The following ABTB3 variants were observed in gnomAD, a reference collection of about 807,000 sequenced individuals.
ABTB3 encodes ankyrin repeat- and BTB/POZ domain-containing protein 3.
chr12:107,456,805 T>C, the ABTB3 span, among the ~76,000 whole-genome samples: 1 of 151,902 alleles, frequency 6.6e-6, no homozygotes. Flanking sequence ...GATTTGAACT[T>C]GAACAGTTTG....
chr12:107,440,474 C>T, the ABTB3 span, among the ~76,000 whole-genome samples: 1 of 152,228 alleles, frequency 6.6e-6, no homozygotes, highest in Non-Finnish European at 1.5e-5. Flanking sequence ...CCTTTCTTAC[C>T]CTGCCTCTTT....
the ABTB3 span, among the ~76,000 whole-genome samples, chr12:107,414,716 C>CTTTT: frequency 9.0e-5 from 13 of 144,774 alleles, 1 homozygote; most frequent in Admixed American, 1.4e-4. Flanking sequence ...CTTTTCTTTT[C>CTTTT]TTTTTCTTTT....
chr12:107,355,790 G>A, the ABTB3 span, among the ~76,000 whole-genome samples: 1 of 152,182 alleles, frequency 6.6e-6, no homozygotes, highest in African/African-American at 2.4e-5. Flanking sequence ...CTACACTGCT[G>A]TTGAGTATCA....
At chr12:107,622,810 TG>T in the ABTB3 span, among the ~76,000 whole-genome samples, 2 of 152,190 alleles carry the variant, frequency 1.3e-5, no homozygotes, top group African/African-American at 2.4e-5. Context: ...AATAGATTCT[TG>T]CAAATAAATC....
At chr12:107,376,745 A>G in the ABTB3 span, among the ~76,000 whole-genome samples, 3 of 151,954 alleles carry the variant, frequency 2.0e-5, no homozygotes, top group African/African-American at 7.3e-5. Flanking sequence ...GAGTTATGTA[A>G]TAATGATCAG....
the ABTB3 span, among the ~76,000 whole-genome samples, chr12:107,570,335 CT>C: frequency 6.6e-6 from 1 of 152,178 alleles, no homozygotes; most frequent in East Asian, 1.9e-4. Context: ...GTGCCTCAGC[CT>C]CCCGAGTACC....
chr12:107,352,496 G>A, the ABTB3 span, among the ~76,000 whole-genome samples: 2 of 152,030 alleles, frequency 1.3e-5, no homozygotes, highest in South Asian at 4.2e-4. Flanking sequence ...CAGTGGGCAG[G>A]CATCAAAGGG....
At chr12:107,367,298 C>T in the ABTB3 span, among the ~76,000 whole-genome samples, 1 of 152,138 alleles carries the variant, frequency 6.6e-6, no homozygotes, top group Non-Finnish European at 1.5e-5. Context: ...AAAGGAAACT[C>T]TGTGCTTGAC....
chr12:107,382,624 G>A, the ABTB3 span, among the ~76,000 whole-genome samples: 4 of 152,252 alleles, frequency 2.6e-5, no homozygotes, highest in South Asian at 2.1e-4. Flanking sequence ...CACGGATGAA[G>A]CTGGAAACCA....
chr12:107,339,257 C>A, the ABTB3 span, among the ~76,000 whole-genome samples: 1 of 152,156 alleles, frequency 6.6e-6, no homozygotes, highest in Non-Finnish European at 1.5e-5. Flanking sequence ...AAGGAAAACA[C>A]AAGTGCAGAG....
chr12:107,491,747 T>C, the ABTB3 span, among the ~76,000 whole-genome samples: 2 of 148,046 alleles, frequency 1.4e-5, no homozygotes, highest in Non-Finnish European at 3.0e-5. Context: ...TGATTGAACT[T>C]GGTAGGCAGA....
chr12:107,595,947 A>G, the ABTB3 span, among the ~76,000 whole-genome samples: 1 of 152,028 alleles, frequency 6.6e-6, no homozygotes. Flanking sequence ...GTGTATATAT[A>G]CGTATATTCA....
the ABTB3 span, chr12:107,658,092 C>T: frequency 4.8e-5 from 10 of 208,112 alleles, no homozygotes; most frequent in African/African-American, 2.3e-4. Context: ...GATTGTATTA[C>T]ACATTAAGGA....
chr12:107,615,268 G>GC, the ABTB3 span: 2 of 813,692 alleles, frequency 2.5e-6, no homozygotes, highest in Non-Finnish European at 4.0e-6. Context: ...ATTCATATTG[G>GC]TTAACTGCAA....
At chr12:107,519,153 T>C in the ABTB3 span, among the ~76,000 whole-genome samples, 1 of 152,166 alleles carries the variant, frequency 6.6e-6, no homozygotes, top group Non-Finnish European at 1.5e-5. Context: ...AATAAGCATA[T>C]GTCTTTATGG....
the ABTB3 span, among the ~76,000 whole-genome samples, chr12:107,547,327 A>G: frequency 6.6e-6 from 1 of 152,178 alleles, no homozygotes; most frequent in Non-Finnish European, 1.5e-5. Flanking sequence ...TGAAACTTCT[A>G]AAATGGAAGT....
At chr12:107,430,736 T>C in the ABTB3 span, among the ~76,000 whole-genome samples, 2 of 152,248 alleles carry the variant, frequency 1.3e-5, no homozygotes, top group African/African-American at 2.4e-5. Flanking sequence ...TGTTGATTAT[T>C]AGAGAGATGT....
At chr12:107,469,004 A>G in the ABTB3 span, among the ~76,000 whole-genome samples, 2 of 152,128 alleles carry the variant, frequency 1.3e-5, no homozygotes, top group African/African-American at 4.8e-5. Context: ...GTCCTCCCAC[A>G]CCCGCAAAAG....
the ABTB3 span, among the ~76,000 whole-genome samples, chr12:107,551,191 C>A: frequency 6.6e-6 from 1 of 152,166 alleles, no homozygotes; most frequent in Non-Finnish European, 1.5e-5. Flanking sequence ...TTTGCAGTCC[C>A]CTACAATGCC....
Sources: allele counts gnomAD v4.1 joint callset (sites outside exome capture counted in the v4.1 genomes callset), GRCh38; gene constraint gnomAD v4.1.1; transcripts MANE v1.5; gene names NCBI Gene and HGNC (gene_info 2026-07-23, HGNC 2026-07-21).